Variants in EVI5 observed in about 807,000 individuals in gnomAD.
The protein encoded by EVI5 is ecotropic viral integration site 5.
A neutral mutation model predicts 112.0 loss-of-function variants in EVI5; 73 were observed. The ratio of observed to expected loss-of-function variants is 0.65; its 90% CI spans 0.54 to 0.79. The LOEUF is 0.79. Ranked by LOEUF, EVI5 falls within the 30% of genes least tolerant of loss-of-function variation. EVI5 has a pLI of 0.00. For missense variants in EVI5, 900 were observed against 968.8 expected, an observed-to-expected ratio of 0.93 and a Z score of 0.94; for synonymous variants, 305 against 319.9, an observed-to-expected ratio of 0.95 and a Z score of 0.50.
In EVI5 at chr1:92,625,980, T is replaced by C. The variant is rs754812044; in HGVS notation, c.1528-46A>G. 2.0e-5 allele frequency: 25 copies of C among 1,237,958 alleles called. No homozygotes were observed. The Middle Eastern group carries it at 4.3e-3, about 213-fold the overall frequency. The allele number at this position is 1,237,958 out of a possible 1,614,324, so 76.7% of individuals were successfully genotyped here. On this transcript the variant is annotated intron_variant, in intron 14 of 19. Transcript: ENST00000684568. Reference sequence around the variant, plus strand: ...ATTTGGGATTTTTAAATTTAAGGAATAAAATACAGCACACACAACAGCTAT... The same window carrying C: ...ATTTGGGATTTTTAAATTTAAGGAACAAAATACAGCACACACAACAGCTAT...
At chr1:92,784,770 A>G in intron 1 of EVI5, 66 bp downstream of exon 1, 4 of 963,582 alleles carry the variant, frequency 4.2e-6, no homozygotes, top group Non-Finnish European at 4.9e-6. Context: ...GCTGTGCGCC[A>G]GCGGAACACG....
chr1:92,757,448 A>C (rs1276911475), intron 1 of EVI5, among the ~76,000 whole-genome samples: 1 of 152,080 alleles, frequency 6.6e-6, no homozygotes, highest in Non-Finnish European at 1.5e-5. Flanking sequence ...TCTAGAAGAA[A>C]TTTTGAGTAA....
At chr1:92,557,469 ATTTAT>A (rs754391928) in intron 19 of EVI5, among the ~76,000 whole-genome samples, 5 of 150,924 alleles carry the variant, frequency 3.3e-5, no homozygotes, top group Non-Finnish European at 7.4e-5. Context: ...TTATTTATTT[ATTTAT>A]TTTTAGTAGA....
chr1:92,768,647 G>A (rs192091937), intron 1 of EVI5, among the ~76,000 whole-genome samples: 4 of 152,302 alleles, frequency 2.6e-5, no homozygotes, highest in Admixed American at 2.0e-4. Flanking sequence ...GGCCAAGGCA[G>A]GTGGACTGCT....
At chr1:92,649,794 G>A (rs1409247814) in intron 13 of EVI5, among the ~76,000 whole-genome samples, 4 of 152,180 alleles carry the variant, frequency 2.6e-5, no homozygotes, top group Non-Finnish European at 5.9e-5. Context: ...CCTGGCGACA[G>A]AGAAAGACCC....
chr1:92,698,130 T>C (rs919619183), intron 5 of EVI5, 145 bp from the exon 6 acceptor site: 2 of 703,692 alleles, frequency 2.8e-6, no homozygotes, highest in Non-Finnish European at 4.7e-6. Flanking sequence ...GAGGTAAGAA[T>C]CAGAAAGTTC....
At chr1:92,788,355 T>C (rs1157310392), upstream of EVI5, among the ~76,000 whole-genome samples, 2 of 151,714 alleles carry the variant, frequency 1.3e-5, no homozygotes, top group South Asian at 2.1e-4. Flanking sequence ...GTGCCTGTAA[T>C]CTCAGCTACT....
rs1031044087 is a variant in EVI5 at position 92,512,581 on chromosome 1, T to C, written c.*1075A>G. The C allele has an allele frequency of 1.6e-4, 25 of 152,236 alleles. No individual in the cohort carries two copies. The highest frequency in any genetic ancestry group is 6.0e-4 in the African/African-American group (25 of 41,458). 9.4% of individuals were successfully genotyped at this position (152,236 alleles called of 1,614,324 possible). A position where few individuals can be genotyped will look rare whatever the true frequency, so the allele number is the denominator to read the frequency against. On this transcript the variant is annotated 3_prime_UTR_variant, in exon 20 of 20. Coordinates refer to ENST00000684568, the MANE Select transcript of EVI5 (RefSeq NM_001350197.2). ...GTATGTTCTTCATATAAAATGATGTTCAATGTTAGGTGGTACAGATTTATA... is the reference window on the plus strand; with the variant it reads ...GTATGTTCTTCATATAAAATGATGTCCAATGTTAGGTGGTACAGATTTATA...
intron 18 of EVI5, among the ~76,000 whole-genome samples, chr1:92,578,519 T>C (rs1671431748): frequency 6.6e-6 from 1 of 151,486 alleles, no homozygotes; most frequent in African/African-American, 2.4e-5. Context: ...ATCGAGACCA[T>C]CCTGGCTAAC....
chr1:92,595,096 C>G (rs1266180775), intron 18 of EVI5, among the ~76,000 whole-genome samples: 1 of 151,804 alleles, frequency 6.6e-6, no homozygotes, highest in Non-Finnish European at 1.5e-5. Context: ...AATCATGCTG[C>G]TATAAAGACA....
intron 1 of EVI5, among the ~76,000 whole-genome samples, chr1:92,774,409 A>T (rs901596001): frequency 3.3e-5 from 5 of 152,216 alleles, no homozygotes; most frequent in African/African-American, 1.2e-4. Context: ...AGCATACTGG[A>T]TTCATTTCTG....
At chr1:92,569,672 G>A (rs1053988571) in intron 18 of EVI5, among the ~76,000 whole-genome samples, 1 of 151,790 alleles carries the variant, frequency 6.6e-6, no homozygotes, top group African/African-American at 2.4e-5. Context: ...TGGCCAACAT[G>A]GTGAAACGCT....
chr1:92,551,353 C>A (rs963969326), intron 19 of EVI5, among the ~76,000 whole-genome samples: 2 of 152,056 alleles, frequency 1.3e-5, no homozygotes, highest in African/African-American at 4.8e-5. Context: ...ATTCCTCCCC[C>A]TTCTCCATTT....
chr1:92,761,488 TATAAAA>T (rs1305448675), intron 1 of EVI5, among the ~76,000 whole-genome samples: 1 of 152,178 alleles, frequency 6.6e-6, no homozygotes, highest in African/African-American at 2.4e-5. Context: ...TCAATGCAAA[TATAAAA>T]GGTCATTAAT....
chr1:92,596,351 C>A (rs1194119244), intron 18 of EVI5, among the ~76,000 whole-genome samples: 1 of 152,086 alleles, frequency 6.6e-6, no homozygotes, highest in East Asian at 1.9e-4. Flanking sequence ...CGAAGTGAGA[C>A]CCTGTCTTGA....
chr1:92,603,901 T>A (rs928742861), intron 18 of EVI5, among the ~76,000 whole-genome samples: 3 of 151,870 alleles, frequency 2.0e-5, no homozygotes, highest in Non-Finnish European at 4.4e-5. Context: ...TCCAACTAAT[T>A]TTATTTTGTA....
chr1:92,572,173 C>A (rs772098258), intron 18 of EVI5, among the ~76,000 whole-genome samples: 1 of 152,012 alleles, frequency 6.6e-6, no homozygotes, highest in Non-Finnish European at 1.5e-5. Flanking sequence ...GGTTCTTAAT[C>A]AAATGGTCAT....
At chr1:92,591,471 A>G (rs1292940500) in intron 18 of EVI5, among the ~76,000 whole-genome samples, 4 of 152,284 alleles carry the variant, frequency 2.6e-5, no homozygotes, top group East Asian at 3.9e-4. Flanking sequence ...CCTAGTTTCC[A>G]ATAAAACAGA....
At chr1:92,722,383 T>C (rs1051283536) in intron 2 of EVI5, among the ~76,000 whole-genome samples, 1 of 152,158 alleles carries the variant, frequency 6.6e-6, no homozygotes, top group Non-Finnish European at 1.5e-5. Context: ...GTTATATATG[T>C]ATACATGAGC....
Sources: allele counts gnomAD v4.1 joint callset (sites outside exome capture counted in the v4.1 genomes callset), GRCh38; gene constraint gnomAD v4.1.1; transcripts MANE v1.5; gene names NCBI Gene and HGNC (gene_info 2026-07-23, HGNC 2026-07-21).